The following P2RX7 variants were observed in gnomAD, a reference collection of about 807,000 sequenced individuals.
The protein encoded by P2RX7 is purinergic receptor P2X 7.
P2RX7 carries 62 observed loss-of-function variants against 71.6 expected under a neutral mutation model. The observed-to-expected ratio is 0.87, with a 90% CI of 0.71 to 1.07. P2RX7 has a LOEUF of 1.07. P2RX7 is among the 50% of genes least tolerant of loss of function. The pLI, the probability that P2RX7 is intolerant of heterozygous loss-of-function variation, is 0.00. For missense variants in P2RX7, 686 were observed against 748.5 expected, an observed-to-expected ratio of 0.92 and a Z score of 0.97; for synonymous variants, 299 against 283.3, an observed-to-expected ratio of 1.06 and a Z score of -0.56.
At chr12:121,147,159 T>G (rs941683766) in intron 1 of P2RX7, among the ~76,000 whole-genome samples, 2 of 152,224 alleles carry the variant, frequency 1.3e-5, no homozygotes, top group Non-Finnish European at 2.9e-5. Context: ...CCATTCACTG[T>G]AGCATTTAAG....
At chr12:121,153,099 T>C (rs1214246761) in intron 1 of P2RX7, among the ~76,000 whole-genome samples, 1 of 152,208 alleles carries the variant, frequency 6.6e-6, no homozygotes, top group East Asian at 1.9e-4. Flanking sequence ...TGCATTAGAA[T>C]CACTTGGGAA....
intron 1 of P2RX7, among the ~76,000 whole-genome samples, chr12:121,152,709 G>C (rs549395668): frequency 6.6e-6 from 1 of 152,176 alleles, no homozygotes; most frequent in Admixed American, 6.5e-5. Context: ...GTAGAGATGA[G>C]GTTTCACCAT....
chr12:121,138,461 G>A (rs1157384197), intron 1 of P2RX7, among the ~76,000 whole-genome samples: 1 of 152,242 alleles, frequency 6.6e-6, no homozygotes, highest in Admixed American at 6.5e-5. Flanking sequence ...CCAGGGCCAA[G>A]GTGTCATCCC....
chr12:121,147,674 C>T (rs1203354742), intron 1 of P2RX7, among the ~76,000 whole-genome samples: 4 of 152,036 alleles, frequency 2.6e-5, no homozygotes, highest in Admixed American at 6.5e-5. Flanking sequence ...TGCAGTGGCA[C>T]GATCTTGGCT....
chr12:121,162,654 G>A (rs988630845), intron 5 of P2RX7, 134 bp downstream of exon 5: 9 of 936,184 alleles, frequency 9.6e-6, no homozygotes, highest in Admixed American at 2.5e-5. Context: ...GGACCCCTGC[G>A]CTCTGGATGC....
intron 12 of P2RX7, among the ~76,000 whole-genome samples, chr12:121,182,843 A>C (rs1377155076): frequency 2.6e-5 from 4 of 152,220 alleles, no homozygotes; most frequent in African/African-American, 4.8e-5. Context: ...TTTACTTTAT[A>C]AATTTTTAAA....
chr12:121,161,859 T>A (rs1879801549), intron 4 of P2RX7, among the ~76,000 whole-genome samples: 1 of 150,688 alleles, frequency 6.6e-6, no homozygotes, highest in Non-Finnish European at 1.5e-5. Flanking sequence ...AAATCAGTGG[T>A]TATAATGCAA....
intron 8 of P2RX7, among the ~76,000 whole-genome samples, chr12:121,174,053 T>C (rs567582588): frequency 1.4e-4 from 21 of 145,518 alleles, no homozygotes; most frequent in East Asian, 3.9e-4. Flanking sequence ...CTTTTCTTTT[T>C]TTTTTTTTTT....
chr12:121,186,586 A>G lies in P2RX7; in HGVS notation c.*1784A>G. 6.6e-6 allele frequency: 1 copy of G among 152,450 alleles called. No homozygotes were observed. Among genetic ancestry groups the G allele is most frequent in the Non-Finnish European group, 1.5e-5 (1 of 68,166 alleles). The allele number at this position is 152,450 out of a possible 1,614,324, so 9.4% of individuals were successfully genotyped here. On this transcript the variant is annotated 3_prime_UTR_variant, in exon 13 of 13. Coordinates refer to ENST00000328963, the MANE Select transcript of P2RX7 (RefSeq NM_002562.6). ...GATCCTCATCACAATTCTTTGACTG[A>G]AGGCCGGGCGTGGTGGCTCACGCCT...
At chr12:121,141,553 G>C (rs1874870441) in intron 1 of P2RX7, among the ~76,000 whole-genome samples, 2 of 152,196 alleles carry the variant, frequency 1.3e-5, no homozygotes, top group Non-Finnish European at 2.9e-5. Context: ...CATCCCACAG[G>C]TACTGAGAAA....
chr12:121,153,201 G>T (rs1219355698), intron 1 of P2RX7, among the ~76,000 whole-genome samples: 1 of 152,112 alleles, frequency 6.6e-6, no homozygotes, highest in Non-Finnish European at 1.5e-5. Context: ...AAGCTCCCTG[G>T]GTGATTACAC....
At chr12:121,139,139 G>T (rs1874307501) in intron 1 of P2RX7, among the ~76,000 whole-genome samples, 1 of 152,074 alleles carries the variant, frequency 6.6e-6, no homozygotes, top group African/African-American at 2.4e-5. Context: ...ACGGGGTTTT[G>T]CCATGTTGGC....
chr12:121,170,133 A>G (rs1881887108), intron 8 of P2RX7, among the ~76,000 whole-genome samples: 1 of 152,194 alleles, frequency 6.6e-6, no homozygotes, highest in Non-Finnish European at 1.5e-5. Context: ...ATTTCATCCA[A>G]GGCAATGGAA....
intron 5 of P2RX7, among the ~76,000 whole-genome samples, chr12:121,164,057 T>C (rs573647604): frequency 8.4e-4 from 128 of 152,248 alleles, no homozygotes; most frequent in African/African-American, 3.0e-3. Context: ...CTCTGGGAGA[T>C]ACAGCAGCCT....
In P2RX7 at chr12:121,137,179, G is replaced by A. The variant is rs11065447; in HGVS notation, c.125+4084G>A. ...GTTCGCTGGAGTAGGTGTGAGATGGGATACTGGCATCTGGTGTTCCCTCCG... is the reference window on the plus strand; with the variant it reads ...GTTCGCTGGAGTAGGTGTGAGATGGAATACTGGCATCTGGTGTTCCCTCCG... On this transcript the variant is annotated intron_variant, in intron 1 of 12. Coordinates refer to ENST00000328963, the MANE Select transcript of P2RX7 (RefSeq NM_002562.6). Among the ~76,000 whole-genome samples the A allele has an allele frequency of 6.1e-3, 925 of 152,276 alleles. 7 individuals carry two copies. The highest frequency in any genetic ancestry group is 0.021 in the African/African-American group (868 of 41,554).
Position 121,184,856 on chromosome 12 carries a change from A to AGGC in P2RX7, c.*55_*57dup. ...TCCCAGCGCTTTGGGAGGCCGAGGC[A>AGGC]GGCAGATCACCTGAGGTCGGGAGTT... On this transcript the variant is annotated 3_prime_UTR_variant, in exon 13 of 13. Coordinates refer to ENST00000328963, the MANE Select transcript of P2RX7 (RefSeq NM_002562.6). 7.2e-7 allele frequency: 1 copy of AGGC among 1,395,472 alleles called. No individual in the cohort carries two copies. The highest frequency in any genetic ancestry group is 9.7e-7 in the Non-Finnish European group (1 of 1,033,782). 86.4% of individuals were successfully genotyped at this position (1,395,472 alleles called of 1,614,324 possible). A position where few individuals can be genotyped will look rare whatever the true frequency, so the allele number is the denominator to read the frequency against.
chr12:121,160,097 CTTTCTTTT>C (rs1255760980), intron 3 of P2RX7, among the ~76,000 whole-genome samples: 17 of 151,974 alleles, frequency 1.1e-4, no homozygotes, highest in Admixed American at 7.9e-4. Flanking sequence ...TTCCTTCTTT[CTTTCTTTT>C]TTTTTCCTTT....
intron 5 of P2RX7, among the ~76,000 whole-genome samples, chr12:121,164,821 C>G (rs1378524279): frequency 6.6e-6 from 1 of 151,942 alleles, no homozygotes; most frequent in Non-Finnish European, 1.5e-5. Flanking sequence ...TACCTGAGAC[C>G]AAATACTTTA....
At chr12:121,146,287 C>CTTTT (rs35415599) in intron 1 of P2RX7, among the ~76,000 whole-genome samples, 4 of 80,480 alleles carry the variant, frequency 5.0e-5, no homozygotes, top group South Asian at 5.3e-4. Context: ...TCAAGCCTCT[C>CTTTT]TTTTTTTTTT....
Sources: gnomAD v4.1 joint callset for allele counts (sites outside exome capture counted in the v4.1 genomes callset) on GRCh38, gnomAD v4.1.1 for gene constraint, MANE v1.5 for transcripts, NCBI Gene and HGNC (gene_info 2026-07-23, HGNC 2026-07-21) for gene names.